Variants in AUTS2 observed in about 807,000 individuals in gnomAD.
AUTS2 encodes activator of transcription and developmental regulator AUTS2, also known as autism susceptibility gene 2 protein.
Under a neutral mutation model 112.4 loss-of-function variants are expected in AUTS2, and 17 were observed. The observed-to-expected ratio is 0.15, with a 90% CI of 0.10 to 0.23. The LOEUF (loss-of-function observed/expected upper bound fraction) is 0.23. AUTS2 is among the 10% of genes least tolerant of loss of function. The pLI is 1.00. For missense variants in AUTS2, 1,510 were observed against 1,701.6 expected (o/e 0.89, Z 1.98); for synonymous variants, 751 against 702.7 (o/e 1.07, Z -1.09).
Position 70,167,290 on chromosome 7 carries a change from C to T in AUTS2, c.660+32719C>T, listed in dbSNP as rs932229288. 3.9e-4 allele frequency among the ~76,000 whole-genome samples: 59 copies of T among 152,052 alleles called. 3 individuals carry two copies. Reference sequence around the variant, plus strand: ...TTGTTAATATCAATACAGTAGACTTCACAATATTACCAAGTATAAAGCATG... The same window carrying T: ...TTGTTAATATCAATACAGTAGACTTTACAATATTACCAAGTATAAAGCATG... On this transcript the variant is annotated intron_variant, in intron 4 of 18. Transcript: ENST00000342771.
At chr7:70,375,637 T>A (rs1330044430) in intron 4 of AUTS2, among the ~76,000 whole-genome samples, 1 of 152,188 alleles carries the variant, frequency 6.6e-6, no homozygotes, top group African/African-American at 2.4e-5. Context: ...TAAGAAAGTA[T>A]TTATTATTCT....
Position 70,679,715 on chromosome 7 carries a change from G to C in AUTS2, c.691-18854G>C, listed in dbSNP as rs182082274. Among the ~76,000 whole-genome samples the C allele has an allele frequency of 1.6e-3, 240 of 152,236 alleles. 2 individuals carry two copies. The highest frequency in any genetic ancestry group is 0.015 in the East Asian group (80 of 5,174). On this transcript the variant is annotated intron_variant, in intron 5 of 18. Transcript: ENST00000342771. ...TTGAGAAGTCAGAAATGACTAAATT[G>C]GTTCTCAATGTGGCCTGCACATTTC...
At chr7:69,777,384 C>T (rs1031366820) in intron 1 of AUTS2, among the ~76,000 whole-genome samples, 2 of 152,080 alleles carry the variant, frequency 1.3e-5, no homozygotes, top group Non-Finnish European at 2.9e-5. Context: ...TTCTAAAAGA[C>T]ATTTGTATAC....
chr7:69,982,685 G>T (rs1798346145), intron 2 of AUTS2, among the ~76,000 whole-genome samples: 1 of 152,184 alleles, frequency 6.6e-6, no homozygotes, highest in African/African-American at 2.4e-5. Context: ...CAAAGCATTG[G>T]TCCTACATGT....
intron 4 of AUTS2, among the ~76,000 whole-genome samples, chr7:70,434,339 G>C (rs1390499862): frequency 6.6e-6 from 1 of 152,174 alleles, no homozygotes; most frequent in African/African-American, 2.4e-5. Context: ...GTACAGACTA[G>C]GGAGAAGGGA....
At chr7:70,090,917 A>G (rs1252381734) in intron 2 of AUTS2, among the ~76,000 whole-genome samples, 1 of 152,024 alleles carries the variant, frequency 6.6e-6, no homozygotes, top group African/African-American at 2.4e-5. Flanking sequence ...GACCTCAAGT[A>G]ATCTGCCCAC....
At chr7:69,618,717 G>A (rs1222439930) in intron 1 of AUTS2, among the ~76,000 whole-genome samples, 1 of 152,124 alleles carries the variant, frequency 6.6e-6, no homozygotes. Context: ...TCTAGGTATG[G>A]AAAAGTATAA....
intron 1 of AUTS2, among the ~76,000 whole-genome samples, chr7:69,797,697 C>G (rs974871713): frequency 6.6e-6 from 1 of 152,062 alleles, no homozygotes; most frequent in Non-Finnish European, 1.5e-5. Context: ...TTAAGATGCT[C>G]TTAAATTTTC....
chr7:69,694,127 T>A (rs1797458306), intron 1 of AUTS2, among the ~76,000 whole-genome samples: 1 of 152,216 alleles, frequency 6.6e-6, no homozygotes, highest in Non-Finnish European at 1.5e-5. Context: ...CGTGTGTGAT[T>A]GTTGCTGGGG....
At chr7:70,789,586 G>A (rs555575551) in intron 18 of AUTS2, among the ~76,000 whole-genome samples, 162 bp from the exon 19 acceptor site, 2 of 152,198 alleles carry the variant, frequency 1.3e-5, no homozygotes, top group Non-Finnish European at 2.9e-5. Flanking sequence ...GGATAAGGGT[G>A]GCTGGCTCTG....
chr7:70,716,353 G>T (rs1225045779), intron 6 of AUTS2, among the ~76,000 whole-genome samples: 2 of 152,074 alleles, frequency 1.3e-5, no homozygotes, highest in African/African-American at 2.4e-5. Context: ...CTTGTTAAAG[G>T]CCGGGCACAG....
chr7:70,021,651 G>A (rs1023895740), intron 2 of AUTS2, among the ~76,000 whole-genome samples: 11 of 152,220 alleles, frequency 7.2e-5, no homozygotes, highest in African/African-American at 2.7e-4. Flanking sequence ...GTAAGGCTGT[G>A]ATGCCCAGCA....
chr7:70,308,008 A>C (rs1789565170), intron 4 of AUTS2, among the ~76,000 whole-genome samples: 2 of 152,234 alleles, frequency 1.3e-5, no homozygotes, highest in Admixed American at 6.5e-5. Flanking sequence ...GTTGCTAAAA[A>C]TAACTTTTGC....
chr7:70,665,098 A>G (rs1007397068), intron 5 of AUTS2, among the ~76,000 whole-genome samples: 1 of 152,144 alleles, frequency 6.6e-6, no homozygotes, highest in Non-Finnish European at 1.5e-5. Context: ...AAAAATGCTT[A>G]TATTCAACAA....
At chr7:70,715,261 C>T (rs1318131877) in intron 6 of AUTS2, among the ~76,000 whole-genome samples, 1 of 152,196 alleles carries the variant, frequency 6.6e-6, no homozygotes, top group Non-Finnish European at 1.5e-5. Flanking sequence ...CTAACCTATG[C>T]TTTCAGTGCA....
At chr7:70,474,318 GGCCTGT>G (rs1797501844) in intron 5 of AUTS2, among the ~76,000 whole-genome samples, 1 of 152,192 alleles carries the variant, frequency 6.6e-6, no homozygotes, top group African/African-American at 2.4e-5. Context: ...CTGCCCTCTA[GGCCTGT>G]GTCCTTGTAG....
chr7:70,246,876 T>G (rs1388133989), intron 4 of AUTS2, among the ~76,000 whole-genome samples: 1 of 152,084 alleles, frequency 6.6e-6, no homozygotes, highest in Non-Finnish European at 1.5e-5. Flanking sequence ...TCCGGAAAAT[T>G]TTATGGTTTT....
intron 4 of AUTS2, among the ~76,000 whole-genome samples, chr7:70,375,126 C>T (rs554427264): frequency 1.3e-5 from 2 of 152,300 alleles, no homozygotes; most frequent in Admixed American, 6.5e-5. Flanking sequence ...AAGCTTAACA[C>T]TTTCAGAGGG....
At chr7:69,668,302 A>C (rs1283505060) in intron 1 of AUTS2, among the ~76,000 whole-genome samples, 1 of 152,222 alleles carries the variant, frequency 6.6e-6, no homozygotes, top group Non-Finnish European at 1.5e-5. Context: ...TATCATGAAG[A>C]AAGTTATGAT....
Sources: allele counts gnomAD v4.1 joint callset (sites outside exome capture counted in the v4.1 genomes callset), GRCh38; gene constraint gnomAD v4.1.1; transcripts MANE v1.5; gene names NCBI Gene and HGNC (gene_info 2026-07-23, HGNC 2026-07-21).